Variants in PTPRN2 observed in about 807,000 individuals in gnomAD.
The protein encoded by PTPRN2 is protein tyrosine phosphatase receptor type N2.
PTPRN2 carries 74 observed loss-of-function variants against 118.8 expected under a neutral mutation model. The observed-to-expected ratio is 0.62, with a 90% CI of 0.52 to 0.76. The LOEUF is 0.76. PTPRN2 is among the 30% of genes least tolerant of loss of function. PTPRN2 has a pLI of 0.00. For missense variants in PTPRN2, 1,481 were observed against 1,394.4 expected (o/e 1.06, Z -0.99); for synonymous variants, 641 against 608.0 (o/e 1.05, Z -0.80).
chr7:158,273,470 CCG>C (rs1798664076), intron 3 of PTPRN2, among the ~76,000 whole-genome samples: 1 of 127,092 alleles, frequency 7.9e-6, no homozygotes, highest in South Asian at 2.3e-4. Flanking sequence ...GCAGGGGGAG[CCG>C]CAGGCACAGG....
At chr7:158,334,075 C>T (rs867029970) in intron 2 of PTPRN2, among the ~76,000 whole-genome samples, 21 of 62,296 alleles carry the variant, frequency 3.4e-4, no homozygotes, top group African/African-American at 8.3e-4. Flanking sequence ...GTCACTCACA[C>T]CCACACTCTC....
chr7:158,226,435 G>A (rs1436761723), intron 3 of PTPRN2, among the ~76,000 whole-genome samples: 3 of 152,178 alleles, frequency 2.0e-5, no homozygotes, highest in Non-Finnish European at 4.4e-5. Context: ...GGGTGGGGAC[G>A]ACGTTTGTTT....
Position 158,268,854 on chromosome 7 carries a change from C to T in PTPRN2, c.277+47965G>A, listed in dbSNP as rs1388217977. On this transcript the variant is annotated intron_variant, in intron 3 of 22. Transcript: ENST00000389418. The stretch of plus-strand genomic sequence containing the variant: ...GTGGGTGTGAAATATCCCAGCCGCA[C>T]ACACACAGGGCGGGTGTGAAATATC... Among the ~76,000 whole-genome samples, 6 of 134,568 alleles carry T rather than the reference C, an allele frequency of 4.5e-5. 1 individual carries two copies. Among genetic ancestry groups the T allele is most frequent in the South Asian group, 2.4e-4 (1 of 4,184 alleles). The allele number at this position is 134,568 out of a possible 152,430, so 88.3% of individuals were successfully genotyped here.
At chr7:158,313,591 C>T (rs1257088697) in intron 3 of PTPRN2, among the ~76,000 whole-genome samples, 2 of 151,952 alleles carry the variant, frequency 1.3e-5, no homozygotes. Context: ...CCCCCATCTC[C>T]ACATGGGGCT....
At chr7:158,535,963 A>T (rs1468078840) in intron 1 of PTPRN2, among the ~76,000 whole-genome samples, 2 of 149,098 alleles carry the variant, frequency 1.3e-5, no homozygotes, top group African/African-American at 5.0e-5. Context: ...GAAAAATAAA[A>T]TTTCAGTTCA....
At chr7:158,441,170 A>AGTG (rs1226405408) in intron 2 of PTPRN2, among the ~76,000 whole-genome samples, 1 of 136,746 alleles carries the variant, frequency 7.3e-6, no homozygotes, top group African/African-American at 3.0e-5. Context: ...TGGTGATAGC[A>AGTG]GTGGTGGCAG....
At chr7:158,432,354 A>G (rs1816278749) in intron 2 of PTPRN2, among the ~76,000 whole-genome samples, 1 of 152,222 alleles carries the variant, frequency 6.6e-6, no homozygotes, top group African/African-American at 2.4e-5. Flanking sequence ...AGGGCTGACT[A>G]CAAACGACAA....
At chr7:157,959,979 C>T (rs754945768) in intron 11 of PTPRN2, among the ~76,000 whole-genome samples, 1 of 152,168 alleles carries the variant, frequency 6.6e-6, no homozygotes, top group African/African-American at 2.4e-5. Context: ...GGTCTATACA[C>T]GGCGGGGTAT....
At chr7:158,213,514 G>A (rs1827757790) in intron 3 of PTPRN2, among the ~76,000 whole-genome samples, 1 of 152,100 alleles carries the variant, frequency 6.6e-6, no homozygotes, top group Admixed American at 6.5e-5. Flanking sequence ...GCTCTAGTTG[G>A]AATATATCAC....
intron 12 of PTPRN2, among the ~76,000 whole-genome samples, chr7:157,724,805 C>G (rs1195837149): frequency 6.6e-6 from 1 of 152,194 alleles, no homozygotes; most frequent in Non-Finnish European, 1.5e-5. Flanking sequence ...AATACTAAGT[C>G]CAACCATCCT....
chr7:157,951,450 C>G (rs1560952), intron 11 of PTPRN2, among the ~76,000 whole-genome samples: 79,422 of 151,906 alleles, frequency 0.52, 21,639 homozygotes, highest in East Asian at 0.66. Flanking sequence ...CTTCAGTCCC[C>G]GGAGGCGCTG....
At chr7:157,997,761 C>T (rs1291809602) in intron 11 of PTPRN2, among the ~76,000 whole-genome samples, 6 of 149,202 alleles carry the variant, frequency 4.0e-5, no homozygotes, top group African/African-American at 1.5e-4. Context: ...AGCCCCCAGA[C>T]CAGCCCCTGC....
At chr7:158,177,533 C>T (rs113548661) in intron 5 of PTPRN2, among the ~76,000 whole-genome samples, 2,795 of 152,326 alleles carry the variant, frequency 0.018, 39 homozygotes, top group Non-Finnish European at 0.031. Flanking sequence ...CCTGGAGACA[C>T]TGCCCTCTCC....
intron 21 of PTPRN2, among the ~76,000 whole-genome samples, chr7:157,557,657 GT>G (rs201809556): frequency 1.5e-4 from 22 of 150,326 alleles, no homozygotes; most frequent in Admixed American, 9.3e-4. Context: ...TTATAAGCAG[GT>G]TTTTTTTTGC....
chr7:157,751,910 G>A (rs1174962659), intron 12 of PTPRN2, among the ~76,000 whole-genome samples: 3 of 152,102 alleles, frequency 2.0e-5, no homozygotes, highest in African/African-American at 4.8e-5. Flanking sequence ...TCCGCTTTTC[G>A]CTATGGGCAG....
chr7:157,920,015 T>C (rs1305100309), intron 11 of PTPRN2, among the ~76,000 whole-genome samples: 1 of 152,214 alleles, frequency 6.6e-6, no homozygotes, highest in Non-Finnish European at 1.5e-5. Flanking sequence ...CTAGCAGCGC[T>C]GTCCCATACA....
At chr7:157,688,966 C>T (rs1197842258) in intron 12 of PTPRN2, among the ~76,000 whole-genome samples, 1 of 152,192 alleles carries the variant, frequency 6.6e-6, no homozygotes, top group African/African-American at 2.4e-5. Flanking sequence ...AGAGGGGTCC[C>T]GGCGCGGAGG....
chr7:157,624,767 CTGGAATTATTAGGAAAT>C (rs1326921645), intron 14 of PTPRN2, among the ~76,000 whole-genome samples: 1 of 152,116 alleles, frequency 6.6e-6, no homozygotes, highest in Non-Finnish European at 1.5e-5. Context: ...CAGACGTCTT[CTGGAATTATTAGGAAAT>C]TAACATGTAA....
At chr7:158,489,635 C>A (rs1821291342) in intron 2 of PTPRN2, 100 bp downstream of exon 2, 6 of 1,306,694 alleles carry the variant, frequency 4.6e-6, no homozygotes, top group Non-Finnish European at 5.1e-6. Flanking sequence ...CCGGGCGGCC[C>A]CAGCTCCAGG....
Sources: allele counts gnomAD v4.1 joint callset (sites outside exome capture counted in the v4.1 genomes callset), GRCh38; gene constraint gnomAD v4.1.1; transcripts MANE v1.5; gene names NCBI Gene and HGNC (gene_info 2026-07-23, HGNC 2026-07-21).